ADARB2: variants seen among roughly 807,000 people sequenced by gnomAD.
The protein encoded by ADARB2 is inactive double-stranded RNA-specific editase B2.
A neutral mutation model predicts 62.2 loss-of-function variants in ADARB2; 25 were observed. The ratio of observed to expected loss-of-function variants is 0.40; its 90% CI spans 0.29 to 0.56. The LOEUF (loss-of-function observed/expected upper bound fraction) is 0.56. ADARB2 is among the 20% of genes least tolerant of loss of function. The probability of loss-of-function intolerance (pLI) is 0.43; values close to 1 mark genes in which losing one functional copy is unlikely to be tolerated. For synonymous variants in ADARB2, 572 were observed against 500.8 expected (o/e 1.14, Z -1.90); for missense variants, 1,071 against 1,077.4 (o/e 0.99, Z 0.08).
intron 1 of ADARB2, among the ~76,000 whole-genome samples, chr10:1,671,897 G>A (rs1834389550): frequency 6.6e-6 from 1 of 151,946 alleles, no homozygotes; most frequent in African/African-American, 2.4e-5. Flanking sequence ...CTGGGGGGGA[G>A]TGGGGTGTCT....
rs535288323 is a variant in ADARB2 at position 1,267,183 on chromosome 10, T to C, written c.1192+3772A>G. Among the ~76,000 whole-genome samples the C allele has an allele frequency of 9.9e-5, 15 of 150,796 alleles. No homozygotes were observed. In the East Asian group the frequency reaches 2.3e-3, roughly 23 times the overall value. On this transcript the variant is annotated intron_variant, in intron 4 of 9. Transcript: ENST00000381312. ...CCCCCTCCCGGGTAGGTGTGGGTGC[T>C]GGTCACTGCAGAGAAAATGTGAGGC...
intron 1 of ADARB2, among the ~76,000 whole-genome samples, chr10:1,422,561 A>G (rs1414855634): frequency 6.6e-6 from 1 of 152,114 alleles, no homozygotes; most frequent in Non-Finnish European, 1.5e-5. Context: ...GTAGGTCACA[A>G]TGGCCTTGGT....
At chr10:1,293,229 G>A (rs1196657674) in intron 3 of ADARB2, among the ~76,000 whole-genome samples, 2 of 119,812 alleles carry the variant, frequency 1.7e-5, no homozygotes, top group Admixed American at 8.1e-5. Flanking sequence ...AGAGGGACGG[G>A]GAGGGAGAGA....
chr10:1,473,932 G>A (rs1831360431), intron 1 of ADARB2, among the ~76,000 whole-genome samples: 1 of 152,356 alleles, frequency 6.6e-6, no homozygotes, highest in South Asian at 2.1e-4. Flanking sequence ...TTACGGAGGA[G>A]CCCTTGGCAG....
chr10:1,617,255 GGCCTC>G, intron 1 of ADARB2, among the ~76,000 whole-genome samples: 1 of 150,574 alleles, frequency 6.6e-6, no homozygotes. Context: ...CCTGGGAACT[GGCCTC>G]AGAGGGCTGC....
intron 1 of ADARB2, among the ~76,000 whole-genome samples, chr10:1,389,748 A>AAAATAAATAAATAAAT (rs141695100): frequency 2.7e-5 from 4 of 146,400 alleles, no homozygotes; most frequent in African/African-American, 7.6e-5. Flanking sequence ...CTCTGACTCA[A>AAAATAAATAAATAAAT]AAATAAATAA....
intron 4 of ADARB2, among the ~76,000 whole-genome samples, chr10:1,262,417 A>C (rs1831150403): frequency 6.6e-6 from 1 of 152,096 alleles, no homozygotes; most frequent in Non-Finnish European, 1.5e-5. Context: ...CAGAATCTAC[A>C]ATGAACTCAA....
chr10:1,540,782 G>T (rs1328449206), intron 1 of ADARB2, among the ~76,000 whole-genome samples: 1 of 48,600 alleles, frequency 2.1e-5, no homozygotes. Context: ...CCACTCAGAT[G>T]TAGTTCAGAC....
intron 3 of ADARB2, among the ~76,000 whole-genome samples, chr10:1,322,403 T>C (rs1831803373): frequency 6.6e-6 from 1 of 152,206 alleles, no homozygotes; most frequent in Non-Finnish European, 1.5e-5. Context: ...TTCTCCAAAC[T>C]GAGTATTTGA....
At chr10:1,220,851 T>C (rs555989214) in intron 6 of ADARB2, among the ~76,000 whole-genome samples, 86 of 152,342 alleles carry the variant, frequency 5.6e-4, no homozygotes, top group Non-Finnish European at 1.1e-3. Flanking sequence ...GAGGCCCTGC[T>C]TTAATTAACA....
chr10:1,195,389 G>GTTTTTTTTTTTTTTTTTTTTTTTTTTT lies in ADARB2; in HGVS notation c.1864+4576_1864+4577insAAAAAAAAAAAAAAAAAAAAAAAAAAA, dbSNP rs377144803. Among the ~76,000 whole-genome samples, 2 of 103,670 alleles carry GTTTTTTTTTTTTTTTTTTTTTTTTTTT rather than the reference G, an allele frequency of 1.9e-5. 1 individual carries two copies. The highest frequency in any genetic ancestry group is 3.7e-5 in the Non-Finnish European group (2 of 54,360). 68.0% of individuals were successfully genotyped at this position (103,670 alleles called of 152,430 possible). A position where few individuals can be genotyped will look rare whatever the true frequency, so the allele number is the denominator to read the frequency against. The stretch of plus-strand genomic sequence containing the variant: ...TCAGTATCTGTCAATGCTGTACACA[G>GTTTTTTTTTTTTTTTTTTTTTTTTTTT]TTTTTTTTTTGTTTTTTTTTTTTTT... On this transcript the variant is annotated intron_variant, in intron 8 of 9. Coordinates refer to ENST00000381312, the MANE Select transcript of ADARB2 (RefSeq NM_018702.4).
At chr10:1,585,844 C>A (rs1833169470) in intron 1 of ADARB2, among the ~76,000 whole-genome samples, 1 of 152,118 alleles carries the variant, frequency 6.6e-6, no homozygotes. Flanking sequence ...ACCATCCTGG[C>A]TAACACGGTG....
intron 1 of ADARB2, among the ~76,000 whole-genome samples, chr10:1,732,354 G>C (rs185428946): frequency 3.1e-4 from 46 of 147,836 alleles, no homozygotes; most frequent in Non-Finnish European, 5.5e-4. Flanking sequence ...GTTTCCTTAC[G>C]TAATGCGCTT....
intron 1 of ADARB2, among the ~76,000 whole-genome samples, chr10:1,495,484 G>T (rs1831675358): frequency 1.3e-5 from 2 of 152,154 alleles, no homozygotes; most frequent in Non-Finnish European, 2.9e-5. Flanking sequence ...TATGCAATGG[G>T]TTTAAACATT....
At chr10:1,215,593 G>A (rs1228149729) in intron 7 of ADARB2, 1 of 152,220 alleles carries the variant, frequency 6.6e-6, no homozygotes, top group African/African-American at 2.4e-5. Context: ...GGGAGTTGGG[G>A]GTGGCACCCG....
chr10:1,573,933 C>T (rs1274011320), intron 1 of ADARB2, among the ~76,000 whole-genome samples: 6 of 152,232 alleles, frequency 3.9e-5, no homozygotes, highest in Non-Finnish European at 5.9e-5. Context: ...CCTGCTAACC[C>T]TCCATCTGTC....
At chr10:1,310,033 T>C (rs74118223) in intron 3 of ADARB2, among the ~76,000 whole-genome samples, 324 of 152,324 alleles carry the variant, frequency 2.1e-3, no homozygotes, top group African/African-American at 7.5e-3. Flanking sequence ...TGTGTTTCCT[T>C]TAACTTCTAT....
At chr10:1,619,289 T>TAACAAAAAA (rs1833680363) in intron 1 of ADARB2, among the ~76,000 whole-genome samples, 1 of 115,768 alleles carries the variant, frequency 8.6e-6, no homozygotes, top group East Asian at 2.7e-4. Flanking sequence ...ACATTGAAAG[T>TAACAAAAAA]AAAAAAAAAA....
chr10:1,499,528 AT>A (rs1831737024), intron 1 of ADARB2, among the ~76,000 whole-genome samples: 1 of 151,246 alleles, frequency 6.6e-6, no homozygotes, highest in Non-Finnish European at 1.5e-5. Flanking sequence ...ACTCAAACTT[AT>A]TCATCACTCG....
Sources: allele counts gnomAD v4.1 joint callset (sites outside exome capture counted in the v4.1 genomes callset), GRCh38; gene constraint gnomAD v4.1.1; transcripts MANE v1.5; gene names NCBI Gene and HGNC (gene_info 2026-07-23, HGNC 2026-07-21).